The following HIP1R variants were observed in gnomAD, a reference collection of about 807,000 sequenced individuals.
HIP1R encodes the protein huntingtin interacting protein 1 related.
A neutral mutation model predicts 144.2 loss-of-function variants in HIP1R; 135 were observed. That is an observed-to-expected ratio of 0.94 (90% confidence interval 0.81 to 1.08). The LOEUF (loss-of-function observed/expected upper bound fraction) is 1.08. HIP1R is among the 50% of genes least tolerant of loss of function. The pLI is 0.00. For synonymous variants in HIP1R, 698 were observed against 612.8 expected (o/e 1.14, Z -2.05); for missense variants, 1,462 against 1,432.8 (o/e 1.02, Z -0.33).
In HIP1R at chr12:122,861,459, C is replaced by G. The variant is rs779730344; in HGVS notation, c.3104C>G (p.Thr1035Ser). The change falls in exon 31 of 32, where the codon ACC becomes AGC. Residue 1035 changes from threonine to serine, a missense_variant. Around this residue, in one of 2 missense-constraint regions of HIP1R, gnomAD observed 1,112 missense variants for 1,011.7 expected, o/e 1.10. Coordinates refer to ENST00000253083, the MANE Select transcript of HIP1R (RefSeq NM_003959.3). Reference sequence around the variant, plus strand: ...AGCACTGCCCCCCGAAGTGTAACCACCAAGAAACCACCCCTGGCCCAGAAG... The same window carrying G: ...AGCACTGCCCCCCGAAGTGTAACCAGCAAGAAACCACCCCTGGCCCAGAAG... ...RPSTAPRSVT[T>S]KKPPLAQKPS... The G allele has an allele frequency of 6.2e-7, 1 of 1,613,494 alleles. No homozygotes were observed. The highest frequency in any genetic ancestry group is 1.1e-5 in the South Asian group (1 of 91,084).
chr12:122,854,054 C>T lies in HIP1R; in HGVS notation c.589C>T (p.Leu197Phe). 6.2e-7 allele frequency: 1 copy of T among 1,613,680 alleles called. No homozygotes were observed. Among genetic ancestry groups the T allele is most frequent in the Non-Finnish European group, 8.5e-7 (1 of 1,179,832 alleles). Residue 197 changes from leucine to phenylalanine, a missense_variant, in exon 8 of 32, where the codon CTC becomes TTC. Around this residue, in one of 2 missense-constraint regions of HIP1R, gnomAD observed 350 missense variants for 421.1 expected, o/e 0.83. Coordinates refer to ENST00000253083, the MANE Select transcript of HIP1R (RefSeq NM_003959.3). ...LKLSESVFRQLNTAIAVSQMS... is the reference protein window; with the variant it reads ...LKLSESVFRQFNTAIAVSQMS... Reference sequence around the variant, plus strand: ...CCCCTTTTGCACAGTTTTCCGACAGCTCAACACGGCCATCGCCGTATCCCA... The same window carrying T: ...CCCCTTTTGCACAGTTTTCCGACAGTTCAACACGGCCATCGCCGTATCCCA...
chr12:122,855,927 G>T (rs1566110801), intron 13 of HIP1R, 24 bp downstream of exon 13: 1 of 1,565,134 alleles, frequency 6.4e-7, no homozygotes. Context: ...ATGGGTGGGG[G>T]CCAGGGCCCC....
At chr12:122,849,393 T>C (rs1289521380) in intron 4 of HIP1R, among the ~76,000 whole-genome samples, 1 of 152,246 alleles carries the variant, frequency 6.6e-6, no homozygotes, top group Non-Finnish European at 1.5e-5. Context: ...GGGCAGGCCC[T>C]GGACCGGGTA....
rs1441044827 is a variant in HIP1R at position 122,859,818 on chromosome 12, A to G, written c.2453A>G (p.Glu818Gly). 3.1e-6 allele frequency: 5 copies of G among 1,612,618 alleles called. No homozygotes were observed. In the South Asian group the frequency reaches 5.5e-5, roughly 18 times the overall value. Reference sequence around the variant, plus strand: ...CACGCCAGCTCGGGGGTGAAGCTGGAGGTGAACGAGAGGTGAGCCCCCCTT... The same window carrying G: ...CACGCCAGCTCGGGGGTGAAGCTGGGGGTGAACGAGAGGTGAGCCCCCCTT... ...ARHASSGVKL[E>G]VNERILNSCT... Residue 818 changes from glutamate to glycine, a missense_variant, in exon 24 of 32, where the codon GAG becomes GGG. Around this residue, in one of 2 missense-constraint regions of HIP1R, gnomAD observed 1,112 missense variants for 1,011.7 expected, o/e 1.10. Coordinates refer to ENST00000253083, the MANE Select transcript of HIP1R (RefSeq NM_003959.3).
rs2032858747 is a variant in HIP1R at position 122,835,568 on chromosome 12, C to T, written c.18C>T (p.Asn6=). 5.2e-6 allele frequency: 7 copies of T among 1,346,414 alleles called. No homozygotes were observed. Among genetic ancestry groups the T allele is most frequent in the South Asian group, 3.3e-5 (2 of 61,282 alleles). 83.4% of individuals were successfully genotyped at this position (1,346,414 alleles called of 1,614,324 possible). A position where few individuals can be genotyped will look rare whatever the true frequency, so the allele number is the denominator to read the frequency against. Reference sequence around the variant, plus strand: ...GCGGCAGGATGAACAGCATCAAGAACGTGCCGGCGCGGGTGCTGAGCCGCA... The same window carrying T: ...GCGGCAGGATGAACAGCATCAAGAATGTGCCGGCGCGGGTGCTGAGCCGCA... MNSIK[N]VPARVLSRRP... The change falls in exon 1 of 32, where the codon AAC becomes AAT. Residue 6 remains asparagine, a synonymous_variant. Transcript: ENST00000253083.
chr12:122,848,941 TC>T (rs1462035726), intron 4 of HIP1R, 89 bp downstream of exon 4: 33 of 1,367,930 alleles, frequency 2.4e-5, no homozygotes, highest in African/African-American at 4.3e-5. Flanking sequence ...TGTGGGCAGT[TC>T]CCTGCGGGTG....
Position 122,835,637 on chromosome 12 carries a change from G to A in HIP1R, c.87G>A (p.Lys29=). 1 of 1,226,366 alleles carries A rather than the reference G, an allele frequency of 8.2e-7. No homozygotes were observed. The highest frequency in any genetic ancestry group is 1.0e-6 in the Non-Finnish European group (1 of 982,194). 76.0% of individuals were successfully genotyped at this position (1,226,366 alleles called of 1,614,324 possible). Residue 29 remains lysine (K), a synonymous_variant, in exon 1 of 32, where the codon AAG becomes AAA. Transcript: ENST00000253083. The stretch of plus-strand genomic sequence containing the variant: ...AGGCCGAGCGCGAGCAGTTCGACAA[G>A]ACCCAGGCGAGCGGGCGGCGGGCGG... ...SLEAEREQFD[K]TQAISISKAI...
chr12:122,861,579 A>T (rs2033775415), intron 31 of HIP1R, 65 bp downstream of exon 31: 3 of 1,569,002 alleles, frequency 1.9e-6, no homozygotes, highest in Middle Eastern at 1.7e-4. Flanking sequence ...CTAGAGGGGC[A>T]CATGGTGCAC....
chr12:122,852,811 T>C (rs1353954617), intron 7 of HIP1R, among the ~76,000 whole-genome samples: 1 of 152,130 alleles, frequency 6.6e-6, no homozygotes, highest in African/African-American at 2.4e-5. Context: ...ATCAAGCAGA[T>C]TGCCGAACAG....
At chr12:122,860,587 T>G in intron 27 of HIP1R, 64 bp downstream of exon 27, 1 of 1,547,084 alleles carries the variant, frequency 6.5e-7, no homozygotes, top group Non-Finnish European at 8.9e-7. Context: ...AGTTTGGGGT[T>G]CAACAGGGTG....
chr12:122,854,823 A>G, intron 8 of HIP1R, 82 bp from the exon 9 acceptor site: 1 of 1,415,052 alleles, frequency 7.1e-7, no homozygotes, highest in South Asian at 1.2e-5. Context: ...GTGAGTTTGT[A>G]GCATACGGAG....
At chr12:122,849,839 G>A (rs774873603) in intron 4 of HIP1R, 36 bp from the exon 5 acceptor site, 11 of 1,523,310 alleles carry the variant, frequency 7.2e-6, no homozygotes, top group South Asian at 4.5e-5. Flanking sequence ...ACGTGTTCAC[G>A]AGCCGTGGCC....
At chr12:122,841,438 G>T (rs560584040) in intron 1 of HIP1R, among the ~76,000 whole-genome samples, 41 of 152,186 alleles carry the variant, frequency 2.7e-4, no homozygotes, top group Non-Finnish European at 5.0e-4. Flanking sequence ...GGGTCATCAG[G>T]CAGGGCCGCG....
In HIP1R at chr12:122,840,392, C is replaced by T. The variant is rs753431289; in HGVS notation, c.93+4749C>T. Among the ~76,000 whole-genome samples, 3 of 152,202 alleles carry T rather than the reference C, an allele frequency of 2.0e-5. No homozygotes were observed. Among genetic ancestry groups the T allele is most frequent in the Non-Finnish European group, 4.4e-5 (3 of 68,036 alleles). ...GGTGGAGAGATGCCAACTGTGGCCA[C>T]GTGTGGAATGGTAGGGCAGTCAAGA... On this transcript the variant is annotated intron_variant, in intron 1 of 31. Coordinates refer to ENST00000253083, the MANE Select transcript of HIP1R (RefSeq NM_003959.3). This position sits in a 1 kb window ranked among gnomAD's most constrained non-coding sequence, Gnocchi z 4.2.
Position 122,861,939 on chromosome 12 carries a change from T to C in HIP1R, c.*186T>C, listed in dbSNP as rs2135682347. ...GGTCCTGGGCCATGTGGGTGGTGCTTCTGGATGTGAGTCTCTTATTTATCT... is the reference window on the plus strand; with the variant it reads ...GGTCCTGGGCCATGTGGGTGGTGCTCCTGGATGTGAGTCTCTTATTTATCT... On this transcript the variant is annotated 3_prime_UTR_variant, in exon 32 of 32. Coordinates refer to ENST00000253083, the MANE Select transcript of HIP1R (RefSeq NM_003959.3). 3.5e-6 allele frequency: 2 copies of C among 563,958 alleles called. No individual in the cohort carries two copies. The highest frequency in any genetic ancestry group is 6.7e-5 in the Admixed American group (2 of 29,708). 34.9% of individuals were successfully genotyped at this position (563,958 alleles called of 1,614,324 possible).
At chr12:122,848,332 G>T in intron 2 of HIP1R, 134 bp from the exon 3 acceptor site, 1 of 1,162,208 alleles carries the variant, frequency 8.6e-7, no homozygotes, top group Non-Finnish European at 1.2e-6. Flanking sequence ...GGACACTGGA[G>T]CTCTGGTGAC....
At position 122,844,518 on chromosome 12, in the gene HIP1R, C is replaced by G. The variant is rs1472130519; in HGVS notation, c.94-3513C>G. On this transcript the variant is annotated intron_variant, in intron 1 of 31. Coordinates refer to ENST00000253083, the MANE Select transcript of HIP1R (RefSeq NM_003959.3). ...CTGTTGTGCCCAGCAGTGGGAAGAA[C>G]AGCATCCTCCTCCTCATGCTCTCAT... 2.0e-5 allele frequency among the ~76,000 whole-genome samples: 3 copies of G among 152,340 alleles called. No individual in the cohort carries two copies. The East Asian group carries it at 5.8e-4, about 29-fold the overall frequency.
At position 122,857,442 on chromosome 12, in the gene HIP1R, G is replaced by A. The variant is rs2033623131; in HGVS notation, c.1815+227G>A. ...TTATGGCTGAGTCGTACTCTGCCGT[G>A]TGGACAGACCACATTGTGTTTATCT... On this transcript the variant is annotated intron_variant, in intron 18 of 31. Transcript: ENST00000253083. 7 of 603,516 alleles carry A rather than the reference G, an allele frequency of 1.2e-5. No homozygotes were observed. In the East Asian group the frequency reaches 1.9e-4, roughly 17 times the overall value. 37.4% of individuals were successfully genotyped at this position (603,516 alleles called of 1,614,324 possible).
chr12:122,848,235 C>T (rs376027288), intron 2 of HIP1R, 141 bp downstream of exon 2: 5 of 989,112 alleles, frequency 5.1e-6, no homozygotes, highest in Non-Finnish European at 7.5e-6. Flanking sequence ...TGCAGCTTGG[C>T]TCCTTCCCAT....
Sources: allele counts gnomAD v4.1 joint callset (sites outside exome capture counted in the v4.1 genomes callset), GRCh38; gene constraint gnomAD v4.1.1; regional missense constraint gnomAD v4.1.1; non-coding constraint Gnocchi (gnomAD v3.1); transcripts MANE v1.5; gene names NCBI Gene and HGNC (gene_info 2026-07-23, HGNC 2026-07-21).